Variants in SLC44A5 observed in about 807,000 individuals in gnomAD.
SLC44A5 encodes the protein choline transporter-like protein 5.
SLC44A5 carries 57 observed loss-of-function variants against 101.8 expected under a neutral mutation model. The observed-to-expected ratio is 0.56, with a 90% CI of 0.45 to 0.70. The LOEUF (loss-of-function observed/expected upper bound fraction) is 0.70, where lower values mean the gene tolerates loss of function less well. SLC44A5 is among the 30% of genes least tolerant of loss of function. SLC44A5 has a pLI of 0.00. For synonymous variants in SLC44A5, 281 were observed against 290.9 expected (o/e 0.97, Z 0.35); for missense variants, 737 against 853.1 (o/e 0.86, Z 1.70).
At position 75,376,971 on chromosome 1, in the gene SLC44A5, G is replaced by A. The variant is rs1660670758; in HGVS notation, c.52+19612C>T. ...GTAAAACTAGAATAACCAATACAGA[G>A]AAGTGCTTAAAGGAGCTGATGGAGC... On this transcript the variant is annotated intron_variant, in intron 3 of 23. Coordinates refer to ENST00000370859, the MANE Select transcript of SLC44A5 (RefSeq NM_001130058.2). Among the ~76,000 whole-genome samples the A allele has an allele frequency of 3.9e-5, 6 of 152,158 alleles. No individual in the cohort carries two copies. The South Asian group carries it at 1.2e-3, about 32-fold the overall frequency.
chr1:75,248,306 G>A (rs1649288146), intron 7 of SLC44A5, among the ~76,000 whole-genome samples: 1 of 152,064 alleles, frequency 6.6e-6, no homozygotes, highest in Non-Finnish European at 1.5e-5. Context: ...TTTGTATATT[G>A]ATGGAGATAA....
chr1:75,659,214 T>G, the SLC44A5 span, among the ~76,000 whole-genome samples: 2 of 150,988 alleles, frequency 1.3e-5, no homozygotes, highest in African/African-American at 4.9e-5. Flanking sequence ...CTAATATTGA[T>G]TCTACTCAAA....
the SLC44A5 span, among the ~76,000 whole-genome samples, chr1:75,718,399 C>G: frequency 6.6e-6 from 1 of 152,120 alleles, no homozygotes; most frequent in Non-Finnish European, 1.5e-5. Context: ...TCCCAACAAC[C>G]ACTACTGGGA....
At chr1:75,606,348 A>C (rs945140319) in intron 1 of SLC44A5, among the ~76,000 whole-genome samples, 1 of 152,080 alleles carries the variant, frequency 6.6e-6, no homozygotes, top group Non-Finnish European at 1.5e-5. Context: ...ACTAGGCAAC[A>C]TAAGACCATT....
the SLC44A5 span, among the ~76,000 whole-genome samples, chr1:75,679,853 G>A: frequency 7.2e-5 from 11 of 152,236 alleles, no homozygotes; most frequent in South Asian, 1.0e-3. Flanking sequence ...TCAGTGTGCT[G>A]TATTCAGGAA....
intron 1 of SLC44A5, among the ~76,000 whole-genome samples, chr1:75,558,484 T>C (rs1485672755): frequency 6.6e-6 from 1 of 152,200 alleles, no homozygotes; most frequent in East Asian, 1.9e-4. Flanking sequence ...TCTACATGCA[T>C]AGCAAGTACA....
chr1:75,615,663 T>C (rs1486855018), upstream of SLC44A5, among the ~76,000 whole-genome samples: 1 of 151,946 alleles, frequency 6.6e-6, no homozygotes, highest in African/African-American at 2.4e-5. Context: ...CAAACTCCTG[T>C]CAGTGTCCCC....
At chr1:75,323,043 A>G (rs1370503005) in intron 4 of SLC44A5, among the ~76,000 whole-genome samples, 8 of 150,188 alleles carry the variant, frequency 5.3e-5, no homozygotes, top group Non-Finnish European at 3.0e-5. Flanking sequence ...TGCACCCACT[A>G]ACTCGTCATC....
chr1:75,386,027 C>G (rs1338532307), intron 3 of SLC44A5, among the ~76,000 whole-genome samples: 4 of 152,152 alleles, frequency 2.6e-5, no homozygotes, highest in Non-Finnish European at 4.4e-5. Context: ...GCTAAAAACT[C>G]TCAATAAATT....
At chr1:75,482,927 A>C (rs1359473661) in intron 2 of SLC44A5, among the ~76,000 whole-genome samples, 1 of 152,220 alleles carries the variant, frequency 6.6e-6, no homozygotes, top group Non-Finnish European at 1.5e-5. Context: ...ATAAACTATG[A>C]AATAAAATAA....
chr1:75,244,393 C>T (rs991418130), intron 7 of SLC44A5, among the ~76,000 whole-genome samples: 6 of 151,972 alleles, frequency 3.9e-5, no homozygotes, highest in African/African-American at 1.4e-4. Flanking sequence ...GTAGTCAATG[C>T]ATATTCAGGG....
intron 1 of SLC44A5, chr1:75,582,683 TC>T (rs1673766766): frequency 5.6e-6 from 1 of 177,360 alleles, no homozygotes; most frequent in Non-Finnish European, 1.2e-5. Context: ...GTAACACTCC[TC>T]CCCTACCCCC....
chr1:75,616,933 G>C, the SLC44A5 span, among the ~76,000 whole-genome samples: 1 of 152,148 alleles, frequency 6.6e-6, no homozygotes, highest in African/African-American at 2.4e-5. Flanking sequence ...CAGTGGCCAC[G>C]TTCTTTCTCT....
At chr1:75,620,531 G>A in the SLC44A5 span, among the ~76,000 whole-genome samples, 7 of 152,080 alleles carry the variant, frequency 4.6e-5, no homozygotes, top group African/African-American at 9.7e-5. Flanking sequence ...TCTAACTGGC[G>A]TGAGCTGGTA....
At chr1:75,567,005 T>C (rs1354763447) in intron 1 of SLC44A5, among the ~76,000 whole-genome samples, 1 of 152,208 alleles carries the variant, frequency 6.6e-6, no homozygotes. Context: ...ATTATGTTAC[T>C]CCATCTCTGC....
At position 75,434,728 on chromosome 1, in the gene SLC44A5, C is replaced by T. The variant is rs145985485; in HGVS notation, c.14-38107G>A. Reference sequence around the variant, plus strand: ...CACTCCAGCCACTATTTAGTCTTTCCACTTATTTCTAGAATCCACTCTGTA... The same window carrying T: ...CACTCCAGCCACTATTTAGTCTTTCTACTTATTTCTAGAATCCACTCTGTA... On this transcript the variant is annotated intron_variant, in intron 2 of 23. Transcript: ENST00000370859. Among the ~76,000 whole-genome samples the T allele has an allele frequency of 5.2e-3, 794 of 152,206 alleles. 6 individuals carry two copies. Among genetic ancestry groups the T allele is most frequent in the African/African-American group, 0.018 (748 of 41,528 alleles).
chr1:75,446,467 AT>A (rs1665583235), intron 2 of SLC44A5, among the ~76,000 whole-genome samples: 1 of 152,108 alleles, frequency 6.6e-6, no homozygotes, highest in Non-Finnish European at 1.5e-5. Flanking sequence ...TCGAGCTTAC[AT>A]TTTTATCCAA....
chr1:75,623,623 T>C, the SLC44A5 span, among the ~76,000 whole-genome samples: 220 of 152,246 alleles, frequency 1.4e-3, 3 homozygotes, highest in Non-Finnish European at 2.6e-3. Context: ...TTGGACACTT[T>C]CAACTTCAGA....
At chr1:75,321,574 C>T (rs888876711) in intron 4 of SLC44A5, among the ~76,000 whole-genome samples, 9 of 152,146 alleles carry the variant, frequency 5.9e-5, no homozygotes, top group African/African-American at 2.2e-4. Context: ...CCTTTACCTC[C>T]AAGCACCATC....
Sources: gnomAD v4.1 joint callset for allele counts (sites outside exome capture counted in the v4.1 genomes callset) on GRCh38, gnomAD v4.1.1 for gene constraint, MANE v1.5 for transcripts, NCBI Gene and HGNC (gene_info 2026-07-23, HGNC 2026-07-21) for gene names.